MATCAP2: variants seen among roughly 807,000 people sequenced by gnomAD.
MATCAP2 encodes putative tyrosine carboxypeptidase MATCAP2.
the MATCAP2 span, among the ~76,000 whole-genome samples, chr7:36,388,697 A>G: frequency 6.6e-6 from 1 of 152,234 alleles, no homozygotes; most frequent in Middle Eastern, 3.2e-3. Context: ...ACACAGCCTT[A>G]GCTAGTGTGG....
chr7:36,359,996 T>C, the MATCAP2 span, among the ~76,000 whole-genome samples: 1 of 152,192 alleles, frequency 6.6e-6, no homozygotes, highest in Non-Finnish European at 1.5e-5. Context: ...GGACTAGGTG[T>C]AGCCGGAAAC....
At chr7:36,345,216 T>C in the MATCAP2 span, among the ~76,000 whole-genome samples, 6 of 152,288 alleles carry the variant, frequency 3.9e-5, no homozygotes, top group South Asian at 1.2e-3. Flanking sequence ...TTTAAAAACA[T>C]TGAACAAAAA....
the MATCAP2 span, among the ~76,000 whole-genome samples, chr7:36,387,537 A>T: frequency 1.6e-4 from 24 of 152,346 alleles, no homozygotes; most frequent in East Asian, 3.7e-3. Context: ...GAGGTATAGT[A>T]GGAGACAATT....
chr7:36,334,652 C>T, the MATCAP2 span, among the ~76,000 whole-genome samples: 10 of 150,044 alleles, frequency 6.7e-5, no homozygotes, highest in Non-Finnish European at 1.3e-4. Context: ...TGAAGGAGTA[C>T]ACTGCCTTCA....
the MATCAP2 span, chr7:36,357,436 T>C: frequency 1.9e-6 from 3 of 1,614,174 alleles, no homozygotes; most frequent in Non-Finnish European, 2.5e-6. Flanking sequence ...TGCTCTGTAG[T>C]AGGACATTGT....
At chr7:36,361,477 G>T in the MATCAP2 span, among the ~76,000 whole-genome samples, 14 of 151,910 alleles carry the variant, frequency 9.2e-5, no homozygotes, top group Non-Finnish European at 1.5e-4. Flanking sequence ...TGAGAATCTG[G>T]GATAATTTTA....
At chr7:36,336,470 A>G in the MATCAP2 span, among the ~76,000 whole-genome samples, 6 of 152,314 alleles carry the variant, frequency 3.9e-5, no homozygotes, top group African/African-American at 1.4e-4. Context: ...ATTTTCGCAA[A>G]TTTGTACAAA....
At chr7:36,346,398 A>G in the MATCAP2 span, among the ~76,000 whole-genome samples, 2 of 151,484 alleles carry the variant, frequency 1.3e-5, no homozygotes, top group Non-Finnish European at 2.9e-5. Context: ...ATCAAATTAT[A>G]AAAAAAATAG....
the MATCAP2 span, chr7:36,336,020 C>T: frequency 3.7e-6 from 2 of 534,324 alleles, no homozygotes; most frequent in Admixed American, 4.2e-5. Flanking sequence ...TGCAGTGAGC[C>T]GAGATTCACC....
At chr7:36,339,842 T>C in the MATCAP2 span, among the ~76,000 whole-genome samples, 1 of 152,162 alleles carries the variant, frequency 6.6e-6, no homozygotes, top group Non-Finnish European at 1.5e-5. Flanking sequence ...CTTATAGATA[T>C]TTTTTTTATT....
At chr7:36,346,953 G>A in the MATCAP2 span, among the ~76,000 whole-genome samples, 5 of 152,024 alleles carry the variant, frequency 3.3e-5, no homozygotes. Flanking sequence ...TAGAGACAGG[G>A]TTTCACCATG....
chr7:36,370,756 T>C, the MATCAP2 span, among the ~76,000 whole-genome samples: 2 of 152,244 alleles, frequency 1.3e-5, no homozygotes, highest in East Asian at 1.9e-4. Flanking sequence ...GCTAGGATTA[T>C]AGGCGTGAGC....
At chr7:36,352,241 C>CA in the MATCAP2 span, among the ~76,000 whole-genome samples, 2 of 150,374 alleles carry the variant, frequency 1.3e-5, no homozygotes, top group Non-Finnish European at 3.0e-5. Context: ...ACTAAAAATA[C>CA]AAAAAAATAG....
the MATCAP2 span, among the ~76,000 whole-genome samples, chr7:36,364,569 A>C: frequency 3.9e-5 from 6 of 152,206 alleles, no homozygotes; most frequent in Admixed American, 1.3e-4. Flanking sequence ...AGTCTGTTCT[A>C]TATTTGTAAC....
chr7:36,370,395 T>C, the MATCAP2 span, among the ~76,000 whole-genome samples: 1 of 152,252 alleles, frequency 6.6e-6, no homozygotes, highest in Non-Finnish European at 1.5e-5. Flanking sequence ...TCGACTTAAT[T>C]ATATTACTGC....
the MATCAP2 span, among the ~76,000 whole-genome samples, chr7:36,327,744 G>A: frequency 6.6e-6 from 1 of 152,226 alleles, no homozygotes; most frequent in Non-Finnish European, 1.5e-5. Context: ...ATTGGAGCAT[G>A]TGGAATTTCC....
the MATCAP2 span, chr7:36,368,211 A>C: frequency 9.2e-5 from 14 of 152,218 alleles, no homozygotes; most frequent in Admixed American, 9.2e-4. Context: ...GTTTAGGAGG[A>C]GCTGAGATAG....
chr7:36,349,105 T>G, the MATCAP2 span, among the ~76,000 whole-genome samples: 1 of 152,266 alleles, frequency 6.6e-6, no homozygotes, highest in African/African-American at 2.4e-5. Context: ...GACCTTGGTA[T>G]AAGGCCTTGC....
At chr7:36,361,186 C>T in the MATCAP2 span, among the ~76,000 whole-genome samples, 1 of 152,200 alleles carries the variant, frequency 6.6e-6, no homozygotes, top group Non-Finnish European at 1.5e-5. Flanking sequence ...AGATTCCTGA[C>T]ATCCATTCCC....
Sources: allele counts gnomAD v4.1 joint callset (sites outside exome capture counted in the v4.1 genomes callset), GRCh38; gene constraint gnomAD v4.1.1; transcripts MANE v1.5; gene names NCBI Gene and HGNC (gene_info 2026-07-23, HGNC 2026-07-21).